Variants in SEMA3F observed in about 807,000 individuals in gnomAD.
The protein encoded by SEMA3F is semaphorin-3F.
SEMA3F carries 30 observed loss-of-function variants against 98.5 expected under a neutral mutation model. The observed-to-expected ratio is 0.30, with a 90% CI of 0.23 to 0.41. The LOEUF (loss-of-function observed/expected upper bound fraction) is 0.41. SEMA3F is among the 10% of genes least tolerant of loss of function. The pLI is 1.00. For synonymous variants in SEMA3F, 380 were observed against 444.8 expected (o/e 0.85, Z 1.83); for missense variants, 866 against 1,119.3 (o/e 0.77, Z 3.23).
At chr3:50,161,472 G>A (rs1184767643) in intron 2 of SEMA3F, among the ~76,000 whole-genome samples, 3 of 152,206 alleles carry the variant, frequency 2.0e-5, no homozygotes, top group East Asian at 1.9e-4. Flanking sequence ...CTCTGAAGCC[G>A]ACACCCGCAG....
chr3:50,165,136 A>G (rs899984380), intron 2 of SEMA3F, among the ~76,000 whole-genome samples: 3 of 152,050 alleles, frequency 2.0e-5, no homozygotes, highest in Admixed American at 2.0e-4. Flanking sequence ...AATTCCTACC[A>G]TGGGTATCTG....
intron 2 of SEMA3F, among the ~76,000 whole-genome samples, chr3:50,169,866 C>A (rs1486499036): frequency 6.6e-6 from 1 of 152,216 alleles, no homozygotes; most frequent in African/African-American, 2.4e-5. Context: ...GGAGCTGGGG[C>A]CTGGTAGGAT....
At chr3:50,171,867 C>G (rs1698623335) in intron 2 of SEMA3F, among the ~76,000 whole-genome samples, 1 of 152,192 alleles carries the variant, frequency 6.6e-6, no homozygotes, top group African/African-American at 2.4e-5. Flanking sequence ...CCCTCGGCGT[C>G]CCTGCGTCCC....
At chr3:50,164,114 G>T (rs898551406) in intron 2 of SEMA3F, among the ~76,000 whole-genome samples, 32 of 152,176 alleles carry the variant, frequency 2.1e-4, no homozygotes, top group Non-Finnish European at 2.9e-5. Context: ...GGTCAGCCAG[G>T]CCAGGGGCTG....
At chr3:50,159,819 G>A in intron 2 of SEMA3F, 85 bp downstream of exon 2, 1 of 926,532 alleles carries the variant, frequency 1.1e-6, no homozygotes, top group South Asian at 1.4e-5. Flanking sequence ...GAAAGGGTGG[G>A]TCAGGACAAA....
chr3:50,175,393 G>T (rs545034235), intron 6 of SEMA3F, among the ~76,000 whole-genome samples: 9 of 152,210 alleles, frequency 5.9e-5, no homozygotes, highest in Non-Finnish European at 1.2e-4. Context: ...GACCCCTGCA[G>T]GCAAGAAATA....
At chr3:50,173,670 A>G in intron 2 of SEMA3F, 123 bp from the exon 3 acceptor site, 1 of 740,388 alleles carries the variant, frequency 1.4e-6, no homozygotes, top group Non-Finnish European at 2.2e-6. Flanking sequence ...AGAAAGAAAA[A>G]AGACCACTCT....
rs143737063 is a variant in SEMA3F at position 50,178,338 on chromosome 3, C to T, written c.643+1477C>T. 2.2e-3 allele frequency among the ~76,000 whole-genome samples: 336 copies of T among 152,294 alleles called. 3 individuals are homozygous for T. The highest frequency in any genetic ancestry group is 7.3e-3 in the African/African-American group (303 of 41,558). Reference sequence around the variant, plus strand: ...TGAAAACAACATTTGTCTCCTTGCACACCTCCATCAGAGCTCTGATGGAGA... The same window carrying T: ...TGAAAACAACATTTGTCTCCTTGCATACCTCCATCAGAGCTCTGATGGAGA... On this transcript the variant is annotated intron_variant, in intron 7 of 18. Coordinates refer to ENST00000002829, the MANE Select transcript of SEMA3F (RefSeq NM_004186.5).
Position 50,182,705 on chromosome 3 carries a change from T to C in SEMA3F, c.825T>C (p.Leu275=). 2 of 1,613,678 alleles carry C rather than the reference T, an allele frequency of 1.2e-6. No homozygotes were observed. Among genetic ancestry groups the C allele is most frequent in the African/African-American group, 2.7e-5 (2 of 75,064 alleles). The change falls in exon 9 of 19, where the codon CTT becomes CTC. Residue 275 remains leucine, a synonymous_variant. Transcript: ENST00000002829. This position sits in a 1 kb window ranked among gnomAD's most constrained non-coding sequence, Gnocchi z 4.5. Reference sequence around the variant, plus strand: ...GTGCGGAGCGCAATGATGATAAGCTTTACTTCTTCTTCCGTGAGCGGTCGG... The same window carrying C: ...GTGCGGAGCGCAATGATGATAAGCTCTACTTCTTCTTCCGTGAGCGGTCGG... The part of the protein sequence containing the change: ...PDSAERNDDK[L]YFFFRERSAE...
intron 2 of SEMA3F, among the ~76,000 whole-genome samples, chr3:50,164,278 C>T (rs1304155480): frequency 6.6e-6 from 1 of 152,234 alleles, no homozygotes; most frequent in Non-Finnish European, 1.5e-5. Flanking sequence ...AAGTGAGGAG[C>T]TGGTGCATGC....
At chr3:50,159,774 C>T in intron 2 of SEMA3F, 40 bp downstream of exon 2, 1 of 1,354,164 alleles carries the variant, frequency 7.4e-7, no homozygotes, top group Non-Finnish European at 1.1e-6. Flanking sequence ...ATCATCCTCT[C>T]TTTACAATAG....
In SEMA3F at chr3:50,187,993, T is replaced by C. The variant is rs1413284152; in HGVS notation, c.2236T>C (p.Cys746Arg). The C allele has an allele frequency of 6.2e-7, 1 of 1,607,242 alleles. No individual in the cohort carries two copies. The highest frequency in any genetic ancestry group is 1.3e-5 in the African/African-American group (1 of 74,500). ...AGAAGTGGGCCTCATCCACCAGTACTGCCAGGGTTACTGGCGCCATGTGCC... is the reference window on the plus strand; with the variant it reads ...AGAAGTGGGCCTCATCCACCAGTACCGCCAGGGTTACTGGCGCCATGTGCC... ...QPEVGLIHQY[C>R]QGYWRHVPPS... Residue 746 changes from cysteine (C) to arginine (R), a missense_variant, in exon 19 of 19, where the codon TGC becomes CGC. Physicochemically the swap from Cys to Arg is radical, Grantham distance 180. Transcript: ENST00000002829.
rs1303198140 is a variant in SEMA3F at position 50,158,729 on chromosome 3, T to G, written c.-48-846T>G. Among the ~76,000 whole-genome samples the G allele has an allele frequency of 6.6e-6, 1 of 152,222 alleles. No homozygotes were observed. Among genetic ancestry groups the G allele is most frequent in the Non-Finnish European group, 1.5e-5 (1 of 68,034 alleles). On this transcript the variant is annotated intron_variant, in intron 1 of 18. Transcript: ENST00000002829. The surrounding 1 kb of genome is among the most constrained non-coding windows in gnomAD (Gnocchi z 4.8). ...GGAGGGAGCAATATGTTCTGACAACTGGTGCTGGGCTGCGTTTACCCAACA... is the reference window on the plus strand; with the variant it reads ...GGAGGGAGCAATATGTTCTGACAACGGGTGCTGGGCTGCGTTTACCCAACA...
intron 16 of SEMA3F, 85 bp downstream of exon 16, chr3:50,186,131 G>A (rs957317877): frequency 2.0e-5 from 29 of 1,484,850 alleles, no homozygotes; most frequent in Non-Finnish European, 2.5e-5. Flanking sequence ...GATATTACCC[G>A]GGGTGCATGT....
chr3:50,157,334 C>T (rs1698027353), intron 1 of SEMA3F, among the ~76,000 whole-genome samples: 1 of 151,982 alleles, frequency 6.6e-6, no homozygotes, highest in African/African-American at 2.4e-5. Context: ...CTCCGTCCCT[C>T]CCTCTCTCCT....
At chr3:50,163,848 TC>T (rs1698307650) in intron 2 of SEMA3F, among the ~76,000 whole-genome samples, 2 of 152,102 alleles carry the variant, frequency 1.3e-5, no homozygotes, top group African/African-American at 2.4e-5. Flanking sequence ...GGGTAGGTGT[TC>T]CAGGATACGC....
intron 12 of SEMA3F, 140 bp downstream of exon 12, chr3:50,183,704 G>A: frequency 2.4e-6 from 2 of 851,004 alleles, no homozygotes; most frequent in Admixed American, 2.4e-5. Context: ...ACACAGACGG[G>A]CCTTCACACA....
chr3:50,178,617 G>A (rs1436815032), intron 7 of SEMA3F, among the ~76,000 whole-genome samples: 2 of 150,854 alleles, frequency 1.3e-5, no homozygotes, highest in Non-Finnish European at 3.0e-5. Flanking sequence ...AGCTACTTGG[G>A]AGGCTAAGGC....
At chr3:50,168,889 C>G (rs1236656731) in intron 2 of SEMA3F, among the ~76,000 whole-genome samples, 2 of 152,206 alleles carry the variant, frequency 1.3e-5, no homozygotes, top group African/African-American at 4.8e-5. Flanking sequence ...GACAAAGACC[C>G]AGGCTGGTGC....
Sources: gnomAD v4.1 joint callset for allele counts (sites outside exome capture counted in the v4.1 genomes callset) on GRCh38, gnomAD v4.1.1 for gene constraint, Gnocchi (gnomAD v3.1) non-coding constraint, MANE v1.5 for transcripts, NCBI Gene and HGNC (gene_info 2026-07-23, HGNC 2026-07-21) for gene names.